The following ADGRL2 variants were observed in gnomAD, a reference collection of about 807,000 sequenced individuals.
ADGRL2 encodes adhesion G protein-coupled receptor L2.
ADGRL2 carries 44 observed loss-of-function variants against 157.4 expected under a neutral mutation model. The observed-to-expected ratio is 0.28, with a 90% CI of 0.22 to 0.36. The LOEUF (loss-of-function observed/expected upper bound fraction) is 0.36. ADGRL2 is among the 10% of genes least tolerant of loss of function. The probability of loss-of-function intolerance (pLI) is 1.00; values close to 1 mark genes in which losing one functional copy is unlikely to be tolerated. For synonymous variants in ADGRL2, 585 were observed against 624.7 expected, an observed-to-expected ratio of 0.94 and a Z score of 0.95; for missense variants, 1,510 against 1,768.9, an observed-to-expected ratio of 0.85 and a Z score of 2.63.
At chr1:81,419,050 C>T (rs2077081252) in intron 1 of ADGRL2, among the ~76,000 whole-genome samples, 1 of 152,164 alleles carries the variant, frequency 6.6e-6, no homozygotes, top group Non-Finnish European at 1.5e-5. Context: ...AGACTGGTTG[C>T]AGACCAAGCA....
intron 3 of ADGRL2, among the ~76,000 whole-genome samples, chr1:81,662,624 G>A (rs1384900423): frequency 6.8e-6 from 1 of 147,584 alleles, no homozygotes; most frequent in African/African-American, 2.5e-5. Flanking sequence ...GCCCGATTTC[G>A]GCTCACTGCA....
At chr1:81,464,571 T>G (rs1218863848) in intron 2 of ADGRL2, among the ~76,000 whole-genome samples, 1 of 152,196 alleles carries the variant, frequency 6.6e-6, no homozygotes, top group East Asian at 1.9e-4. Flanking sequence ...TTCCTTTGTC[T>G]AGGACAAGAA....
At chr1:81,407,264 T>G (rs1215884279) in intron 1 of ADGRL2, among the ~76,000 whole-genome samples, 2 of 152,182 alleles carry the variant, frequency 1.3e-5, no homozygotes, top group Non-Finnish European at 2.9e-5. Context: ...CCATTGCCAA[T>G]GAAAACCAGC....
chr1:81,839,410 T>G (rs1251626015), intron 2 of ADGRL2, among the ~76,000 whole-genome samples: 1 of 152,050 alleles, frequency 6.6e-6, no homozygotes, highest in African/African-American at 2.4e-5. Flanking sequence ...CGTAAGTTAT[T>G]TGGGCACAGG....
chr1:81,356,971 A>AAAAAAAAAAAAAAAAAAAAAG (rs80327519), intron 1 of ADGRL2, among the ~76,000 whole-genome samples: 42 of 99,314 alleles, frequency 4.2e-4, no homozygotes, highest in Non-Finnish European at 5.1e-4. Context: ...AAAAAAAAAA[A>AAAAAAAAAAAAAAAAAAAAAG]AAGAAGTTGT....
chr1:81,986,844 A>T, intron 21 of ADGRL2, 57 bp from the exon 22 acceptor site: 1 of 1,560,862 alleles, frequency 6.4e-7, no homozygotes, highest in Non-Finnish European at 8.7e-7. Context: ...GTAACACTAA[A>T]ATAAGAAACT....
chr1:81,604,664 C>T (rs1256010422), intron 3 of ADGRL2, among the ~76,000 whole-genome samples: 1 of 152,130 alleles, frequency 6.6e-6, no homozygotes, highest in Admixed American at 6.5e-5. Flanking sequence ...GCTGGCCACC[C>T]TACCAAGGGT....
intron 2 of ADGRL2, among the ~76,000 whole-genome samples, chr1:81,511,688 G>A (rs183699931): frequency 5.9e-5 from 9 of 152,086 alleles, no homozygotes; most frequent in East Asian, 1.9e-4. Context: ...CTTATTCGCT[G>A]TTTTGTCTTT....
intron 2 of ADGRL2, among the ~76,000 whole-genome samples, chr1:81,555,046 A>C (rs2080239619): frequency 6.6e-6 from 1 of 151,992 alleles, no homozygotes; most frequent in African/African-American, 2.4e-5. Context: ...GGGAACAGAC[A>C]CATGAGTGGA....
At chr1:81,646,298 A>G (rs1227283238) in intron 3 of ADGRL2, among the ~76,000 whole-genome samples, 1 of 152,198 alleles carries the variant, frequency 6.6e-6, no homozygotes, top group Non-Finnish European at 1.5e-5. Context: ...CAGCAATTTA[A>G]ATAATCATAT....
chr1:81,711,619 G>T (rs914112272), intron 1 of ADGRL2, among the ~76,000 whole-genome samples: 42 of 152,162 alleles, frequency 2.8e-4, no homozygotes, highest in African/African-American at 9.4e-4. Context: ...TATTGCAAGT[G>T]TGAGGTGGTT....
chr1:81,741,770 G>A (rs955286604), intron 1 of ADGRL2, among the ~76,000 whole-genome samples: 1 of 151,876 alleles, frequency 6.6e-6, no homozygotes, highest in Non-Finnish European at 1.5e-5. Flanking sequence ...CCATGCCTCA[G>A]AATTTCAAAA....
chr1:81,912,119 T>G lies in ADGRL2; in HGVS notation c.287+4889T>G, dbSNP rs181179293. Among the ~76,000 whole-genome samples, 370 of 152,180 alleles carry G rather than the reference T, an allele frequency of 2.4e-3. 5 individuals carry two copies. The highest frequency in any genetic ancestry group is 8.5e-3 in the African/African-American group (354 of 41,522). ...TAGGGTCTCACTCCCTTGCCCACGCTGGAGTGCAGTGGCATGATCTCTGCT... is the reference window on the plus strand; with the variant it reads ...TAGGGTCTCACTCCCTTGCCCACGCGGGAGTGCAGTGGCATGATCTCTGCT... On this transcript the variant is annotated intron_variant, in intron 3 of 23. Coordinates refer to ENST00000686636, the MANE Select transcript of ADGRL2 (RefSeq NM_001366006.2).
At chr1:81,990,113 T>C (rs898722640) in intron 23 of ADGRL2, 9 of 985,254 alleles carry the variant, frequency 9.1e-6, no homozygotes, top group Non-Finnish European at 1.1e-5. Context: ...TTGACCAAAA[T>C]CAATTAATCA....
intron 2 of ADGRL2, among the ~76,000 whole-genome samples, chr1:81,456,796 C>A (rs1268582291): frequency 1.3e-5 from 2 of 152,078 alleles, no homozygotes; most frequent in African/African-American, 4.8e-5. Context: ...CTTGATTTTG[C>A]TGCAGTTTAT....
rs370034555 is a variant in ADGRL2, at chr1:81,585,883, TCACATACACACAAA to T, written c.-143+4909_-143+4922del. Reference sequence around the variant, plus strand: ...GCACACAACACACACACACACACATTCACATACACACAAACACATTTAAGGAAGCAAAAATGTGC... The same window carrying T: ...GCACACAACACACACACACACACATTCACATTTAAGGAAGCAAAAATGTGC... On this transcript the variant is annotated intron_variant, in intron 3 of 24. Transcript: ENST00000370721. 325 of 151,808 alleles carry T rather than the reference TCACATACACACAAA, an allele frequency of 2.1e-3. 1 individual carries two copies. The highest frequency in any genetic ancestry group is 7.4e-3 in the African/African-American group (308 of 41,452). The allele number at this position is 151,808 out of a possible 1,614,324, so 9.4% of individuals were successfully genotyped here. A position where few individuals can be genotyped will look rare whatever the true frequency, so the allele number is the denominator to read the frequency against.
chr1:81,937,090 A>T (rs1325780229), intron 4 of ADGRL2, among the ~76,000 whole-genome samples: 1 of 151,910 alleles, frequency 6.6e-6, no homozygotes, highest in African/African-American at 2.4e-5. Context: ...AACAAACTTG[A>T]ATTAGCTATT....
intron 2 of ADGRL2, among the ~76,000 whole-genome samples, chr1:81,528,122 C>A (rs2079509368): frequency 6.6e-6 from 1 of 152,148 alleles, no homozygotes; most frequent in African/African-American, 2.4e-5. Context: ...TGAACCCTTA[C>A]CAGACAACAA....
chr1:81,758,178 GA>G (rs112808166), intron 1 of ADGRL2, among the ~76,000 whole-genome samples: 2,742 of 152,230 alleles, frequency 0.018, 86 homozygotes, highest in African/African-American at 0.061. Context: ...GGATACAGAA[GA>G]AAAGCTCTGG....
Sources: gnomAD v4.1 joint callset for allele counts (sites outside exome capture counted in the v4.1 genomes callset) on GRCh38, gnomAD v4.1.1 for gene constraint, MANE v1.5 for transcripts, NCBI Gene and HGNC (gene_info 2026-07-23, HGNC 2026-07-21) for gene names.